The following NAV2 variants were observed in gnomAD, a reference collection of about 807,000 sequenced individuals.
NAV2 encodes neuron navigator 2, also known as helicase, APC down-regulated 1.
NAV2 carries 54 observed loss-of-function variants against 223.2 expected under a neutral mutation model. The ratio of observed to expected loss-of-function variants is 0.24; its 90% CI spans 0.19 to 0.30. The LOEUF is 0.30. NAV2 is among the 10% of genes least tolerant of loss of function. The probability of loss-of-function intolerance (pLI) is 1.00; values close to 1 mark genes in which losing one functional copy is unlikely to be tolerated. For missense variants in NAV2, 2,806 were observed against 3,147.5 expected (o/e 0.89, Z 2.60); for synonymous variants, 1,279 against 1,239.3 (o/e 1.03, Z -0.67).
intron 1 of NAV2, among the ~76,000 whole-genome samples, chr11:19,414,642 C>T (rs547559525): frequency 5.9e-5 from 9 of 152,104 alleles, no homozygotes; most frequent in African/African-American, 1.9e-4. Context: ...CAGAATATAC[C>T]ATCTTCTCAG....
rs2060319768 is a variant in NAV2 at position 19,838,007 on chromosome 11, GA to G, written c.386-4861del. Among the ~76,000 whole-genome samples, 3 of 152,326 alleles carry G rather than the reference GA, an allele frequency of 2.0e-5. 1 individual carries two copies. The highest frequency in any genetic ancestry group is 4.1e-4 in the South Asian group (2 of 4,830). ...TGGCTTACTCTGAAATGGCTCAGAA[GA>G]AAGATGATATGTGTGCCTTACAGAT... On this transcript the variant is annotated intron_variant, in intron 2 of 37. Transcript: ENST00000349880.
chr11:20,109,588 G>C (rs1009910002), intron 36 of NAV2, among the ~76,000 whole-genome samples: 1 of 152,194 alleles, frequency 6.6e-6, no homozygotes, highest in Admixed American at 6.5e-5. Context: ...CATTTCAGAA[G>C]CTTCTCTCCT....
At chr11:19,640,463 T>C (rs1790045827) in intron 1 of NAV2, among the ~76,000 whole-genome samples, 1 of 151,718 alleles carries the variant, frequency 6.6e-6, no homozygotes, top group South Asian at 2.1e-4. Flanking sequence ...TGTAAATACA[T>C]TATAATATAT....
intron 1 of NAV2, among the ~76,000 whole-genome samples, chr11:19,703,737 G>C (rs1213911857): frequency 6.6e-6 from 1 of 152,226 alleles, no homozygotes; most frequent in Admixed American, 6.5e-5. Context: ...CCACTGTAAA[G>C]TGTTGTGAGA....
At chr11:19,644,426 G>A (rs1425506855) in intron 1 of NAV2, among the ~76,000 whole-genome samples, 4 of 152,210 alleles carry the variant, frequency 2.6e-5, no homozygotes, top group African/African-American at 4.8e-5. Context: ...GCCCCAGGCC[G>A]GTGGATATGA....
At chr11:19,365,126 T>C (rs1848232288) in intron 1 of NAV2, among the ~76,000 whole-genome samples, 1 of 152,188 alleles carries the variant, frequency 6.6e-6, no homozygotes, top group African/African-American at 2.4e-5. Context: ...GAGAAGACAA[T>C]AGCTTATGTT....
chr11:20,045,762 T>C (rs1474536961), intron 14 of NAV2, 92 bp downstream of exon 14: 1 of 1,078,726 alleles, frequency 9.3e-7, no homozygotes, highest in African/African-American at 1.6e-5. Flanking sequence ...ACCCTCTGTT[T>C]TTCTCCACTT....
chr11:19,666,931 A>G (rs774365344), intron 1 of NAV2, among the ~76,000 whole-genome samples: 18 of 152,178 alleles, frequency 1.2e-4, no homozygotes, highest in Non-Finnish European at 1.3e-4. Flanking sequence ...GGTTATTTCC[A>G]CATGCAAACA....
chr11:19,995,476 G>A (rs996668256), intron 11 of NAV2, among the ~76,000 whole-genome samples: 1 of 152,210 alleles, frequency 6.6e-6, no homozygotes, highest in Non-Finnish European at 1.5e-5. Flanking sequence ...AGGCCTTAAG[G>A]TGTCCATTCT....
At chr11:19,769,801 A>G (rs935437901) in intron 1 of NAV2, among the ~76,000 whole-genome samples, 1 of 152,162 alleles carries the variant, frequency 6.6e-6, no homozygotes, top group Non-Finnish European at 1.5e-5. Flanking sequence ...TAATTGTTCA[A>G]TCGGGTAACT....
At chr11:19,651,055 C>A (rs1464221237) in intron 1 of NAV2, among the ~76,000 whole-genome samples, 1 of 152,114 alleles carries the variant, frequency 6.6e-6, no homozygotes, top group Non-Finnish European at 1.5e-5. Context: ...ACATGGAGAG[C>A]TATTTGCCTG....
At chr11:20,061,082 G>C (rs1245869134) in intron 19 of NAV2, among the ~76,000 whole-genome samples, 1 of 152,186 alleles carries the variant, frequency 6.6e-6, no homozygotes, top group African/African-American at 2.4e-5. Flanking sequence ...TGTGGGAGTA[G>C]AGCCATTCCA....
At chr11:20,094,873 ACT>A (rs1309986156) in intron 29 of NAV2, among the ~76,000 whole-genome samples, 1 of 152,080 alleles carries the variant, frequency 6.6e-6, no homozygotes, top group African/African-American at 2.4e-5. Context: ...CACGCTCCTG[ACT>A]CTGATCCTTA....
intron 1 of NAV2, among the ~76,000 whole-genome samples, chr11:19,549,981 C>T (rs1158245593): frequency 2.0e-5 from 3 of 152,218 alleles, no homozygotes; most frequent in East Asian, 1.9e-4. Flanking sequence ...GGGCCAGCCT[C>T]CCCCGGCTTC....
In NAV2 at chr11:19,713,846, A is replaced by T. The variant is rs756079268; in HGVS notation, c.151A>T (p.Thr51Ser). 3.5e-5 allele frequency: 57 copies of T among 1,613,312 alleles called. No homozygotes were observed. Among genetic ancestry groups the T allele is most frequent in the Non-Finnish European group, 4.8e-5 (57 of 1,179,882 alleles). The change falls in exon 1 of 38, where the codon ACC (threonine) becomes TCC (serine). Residue 51 changes from threonine (T) to serine (S), a missense_variant. Around this residue, in one of 4 missense-constraint regions of NAV2, gnomAD observed 1,167 missense variants for 1,180.5 expected, o/e 0.99. Transcript: ENST00000349880. This position sits in a 1 kb window ranked among gnomAD's most constrained non-coding sequence, Gnocchi z 7.2. ...LGSKVEVSKT[T>S]YPSQIPLKSQ... ...AAGCAAGGTGGAGGTGAGCAAGACC[A>T]CCTATCCTAGCCAGATCCCCCTGAA...
At chr11:20,035,462 G>T (rs183771314) in intron 11 of NAV2, among the ~76,000 whole-genome samples, 1 of 152,244 alleles carries the variant, frequency 6.6e-6, no homozygotes, top group East Asian at 1.9e-4. Flanking sequence ...AAGTTGACAG[G>T]TTTCTCCTAA....
At chr11:19,623,786 A>T (rs1241758756) in intron 1 of NAV2, among the ~76,000 whole-genome samples, 1 of 152,194 alleles carries the variant, frequency 6.6e-6, no homozygotes, top group Non-Finnish European at 1.5e-5. Context: ...TTCTCTGTCC[A>T]GCTTTATTCC....
chr11:20,003,690 G>C (rs1195332647), intron 11 of NAV2, among the ~76,000 whole-genome samples: 1 of 152,284 alleles, frequency 6.6e-6, no homozygotes, highest in South Asian at 2.1e-4. Flanking sequence ...TGGTGGGAAA[G>C]GTGAGAGATT....
At position 20,044,212 on chromosome 11, in the gene NAV2, A is replaced by C. The variant is rs750575721; in HGVS notation, c.3139A>C (p.Ile1047Leu). 2.5e-6 allele frequency: 4 copies of C among 1,614,162 alleles called. No individual in the cohort carries two copies. The South Asian group carries it at 4.4e-5, about 18-fold the overall frequency. Residue 1047 changes from isoleucine to leucine, a missense_variant, in exon 13 of 38, where the codon ATC (isoleucine) becomes CTC (leucine). Ile to Leu is a conservative substitution (Grantham distance 5, BLOSUM62 2). This residue lies in a region of NAV2 where 742 missense variants were observed against 777.9 expected (regional missense o/e 0.95). Transcript: ENST00000349880. ...WRRGMTAQVG[I>L]TMPRTKPSAP... ...GCGAGGCATGACAGCTCAGGTGGGC[A>C]TCACCATGCCAAGGACGAAGCCTTC...
Sources: gnomAD v4.1 joint callset for allele counts (sites outside exome capture counted in the v4.1 genomes callset) on GRCh38, gnomAD v4.1.1 for gene constraint, gnomAD v4.1.1 regional missense constraint, Gnocchi (gnomAD v3.1) non-coding constraint, MANE v1.5 for transcripts, NCBI Gene and HGNC (gene_info 2026-07-23, HGNC 2026-07-21) for gene names.